The following FTCDNL1 variants were observed in gnomAD, a reference collection of about 807,000 sequenced individuals.
FTCDNL1 encodes formiminotransferase cyclodeaminase N-terminal like, also known as formiminotransferase N-terminal subdomain-containing protein.
FTCDNL1 carries 11 observed loss-of-function variants against 5.9 expected under a neutral mutation model. The ratio of observed to expected loss-of-function variants is 1.87; its 90% confidence interval spans 1.18 to 3.10. FTCDNL1 has a LOEUF of 3.10. Among genes scored for constraint, FTCDNL1 ranks in the 30% most tolerant of loss-of-function variants. The probability of loss-of-function intolerance (pLI) is 0.00; values close to 1 mark genes in which losing one functional copy is unlikely to be tolerated. For synonymous variants in FTCDNL1, 58 were observed against 24.8 expected (o/e 2.34, Z -3.99); for missense variants, 115 against 65.5 (o/e 1.76, Z -2.61).
the FTCDNL1 span, among the ~76,000 whole-genome samples, chr2:199,740,705 T>C: frequency 2.0e-5 from 3 of 152,174 alleles, no homozygotes; most frequent in Non-Finnish European, 4.4e-5. Flanking sequence ...TTGAATCTCC[T>C]GTAGCCTCTT....
the FTCDNL1 span, among the ~76,000 whole-genome samples, chr2:199,734,322 G>A: frequency 1.3e-5 from 2 of 152,174 alleles, no homozygotes; most frequent in African/African-American, 4.8e-5. Flanking sequence ...GTGATTCTTA[G>A]AAGCAAATTT....
chr2:199,803,104 G>A (rs1300644452), intron 3 of FTCDNL1, among the ~76,000 whole-genome samples: 1 of 149,678 alleles, frequency 6.7e-6, no homozygotes, highest in South Asian at 2.2e-4. Context: ...TGAGGTGCAA[G>A]GATTATCTGA....
the FTCDNL1 span, among the ~76,000 whole-genome samples, chr2:199,745,011 C>T: frequency 7.7e-4 from 118 of 152,316 alleles, 2 homozygotes; most frequent in South Asian, 0.023. Flanking sequence ...CATCCTGTGT[C>T]CACCGGGCAA....
the FTCDNL1 span, among the ~76,000 whole-genome samples, chr2:199,733,759 A>G: frequency 3.3e-5 from 5 of 152,358 alleles, no homozygotes; most frequent in South Asian, 1.0e-3. Flanking sequence ...TATGTTACAC[A>G]TACATGACGA....
the FTCDNL1 span, among the ~76,000 whole-genome samples, chr2:199,699,413 C>T: frequency 6.6e-6 from 1 of 152,006 alleles, no homozygotes; most frequent in Admixed American, 6.6e-5. Flanking sequence ...GTGATTGCAC[C>T]ACTGCACTCC....
the FTCDNL1 span, among the ~76,000 whole-genome samples, chr2:199,707,872 T>G: frequency 6.6e-6 from 1 of 152,064 alleles, no homozygotes; most frequent in African/African-American, 2.4e-5. Context: ...GCTTTAAAAT[T>G]TTCTGTGTTT....
intron 2 of FTCDNL1, among the ~76,000 whole-genome samples, chr2:199,847,045 C>A (rs1354825545): frequency 8.6e-5 from 13 of 151,984 alleles, no homozygotes; most frequent in Admixed American, 8.5e-4. Flanking sequence ...TTAGAACAGC[C>A]CTACACTATT....
At chr2:199,826,390 A>G (rs987233023) in intron 3 of FTCDNL1, among the ~76,000 whole-genome samples, 3 of 150,044 alleles carry the variant, frequency 2.0e-5, no homozygotes, top group African/African-American at 7.4e-5. Context: ...TTTACTTTAC[A>G]TTTCTGAGTC....
Position 199,765,556 on chromosome 2 carries a change from A to ATATATATTTT in FTCDNL1, c.212-4722_212-4721insAAAATATATA. Among the ~76,000 whole-genome samples the ATATATATTTT allele has an allele frequency of 4.9e-3, 208 of 42,516 alleles. 4 individuals carry two copies. The highest frequency in any genetic ancestry group is 9.8e-3 in the Admixed American group (23 of 2,340). The allele number at this position is 42,516 out of a possible 152,430, so 27.9% of individuals were successfully genotyped here. ...ATTATATATATATATATATATATAT[A>ATATATATTTT]TTTTTTTTTTTTTTTTTGGAGATGG... On this transcript the variant is annotated intron_variant, in intron 3 of 3. Transcript: ENST00000416668.
chr2:199,847,851 C>A (rs2076771514), intron 2 of FTCDNL1, among the ~76,000 whole-genome samples: 1 of 152,162 alleles, frequency 6.6e-6, no homozygotes, highest in East Asian at 1.9e-4. Context: ...CAGCTGCATA[C>A]CAACTCCAAA....
At chr2:199,666,443 C>G in the FTCDNL1 span, among the ~76,000 whole-genome samples, 1 of 152,168 alleles carries the variant, frequency 6.6e-6, no homozygotes, top group Admixed American at 6.5e-5. Flanking sequence ...GCCCATGTTA[C>G]GCATACATGT....
intron 3 of FTCDNL1, among the ~76,000 whole-genome samples, chr2:199,767,247 G>A (rs149578734): frequency 0.011 from 1,674 of 152,238 alleles, 32 homozygotes; most frequent in African/African-American, 0.037. Context: ...TTGTGAGTGA[G>A]CTTATCAGTT....
the FTCDNL1 span, among the ~76,000 whole-genome samples, chr2:199,702,443 C>G: frequency 5.6e-3 from 851 of 152,282 alleles, 7 homozygotes; most frequent in African/African-American, 0.018. Flanking sequence ...CAACTTTATT[C>G]CAAACCAGCG....
the FTCDNL1 span, among the ~76,000 whole-genome samples, chr2:199,681,343 C>T: frequency 6.6e-6 from 1 of 152,154 alleles, no homozygotes; most frequent in Non-Finnish European, 1.5e-5. Flanking sequence ...GTAATCCCAG[C>T]TACTCGGGAG....
At chr2:199,667,502 A>AAAG in the FTCDNL1 span, among the ~76,000 whole-genome samples, 1 of 151,978 alleles carries the variant, frequency 6.6e-6, no homozygotes, top group Non-Finnish European at 1.5e-5. Context: ...CAAACAAAAA[A>AAAG]CAACAATACA....
chr2:199,725,673 G>C, the FTCDNL1 span, among the ~76,000 whole-genome samples: 2 of 152,170 alleles, frequency 1.3e-5, no homozygotes, highest in Non-Finnish European at 2.9e-5. Flanking sequence ...TGAAATTCTG[G>C]GTTGGAAATT....
Position 199,811,491 on chromosome 2 carries a change from T to A in FTCDNL1, c.*1214A>T, listed in dbSNP as rs903346729. The stretch of plus-strand genomic sequence containing the variant: ...TATAACACTGGGGGTTACATCAGCA[T>A]GACTATTCAAAATCCTTACCAGGCC... On this transcript the variant is annotated 3_prime_UTR_variant, in exon 5 of 5. Transcript: ENST00000420128. 1.3e-5 allele frequency among the ~76,000 whole-genome samples: 2 copies of A among 152,236 alleles called. No homozygotes were observed. Among genetic ancestry groups the A allele is most frequent in the Non-Finnish European group, 2.9e-5 (2 of 68,042 alleles).
At chr2:199,787,721 G>A (rs1559187052) in intron 3 of FTCDNL1, among the ~76,000 whole-genome samples, 1 of 151,828 alleles carries the variant, frequency 6.6e-6, no homozygotes, top group Non-Finnish European at 1.5e-5. Context: ...CATTATATGG[G>A]GGAAAAAAAT....
In FTCDNL1 at chr2:199,826,482, C is replaced by A. The variant is rs112476783; in HGVS notation, c.212-6725G>T. 6.5e-3 allele frequency among the ~76,000 whole-genome samples: 748 copies of A among 114,496 alleles called. 5 individuals carry two copies. The highest frequency in any genetic ancestry group is 0.025 in the African/African-American group (717 of 29,214). 75.1% of individuals were successfully genotyped at this position (114,496 alleles called of 152,430 possible). ...TCACCAATTCCTTATCTAGAAATTTCTCAGTCAAAAAAAAAAAAAAAAAAA... is the reference window on the plus strand; with the variant it reads ...TCACCAATTCCTTATCTAGAAATTTATCAGTCAAAAAAAAAAAAAAAAAAA... On this transcript the variant is annotated intron_variant, in intron 3 of 4. Transcript: ENST00000420128.
Sources: allele counts gnomAD v4.1 joint callset (sites outside exome capture counted in the v4.1 genomes callset), GRCh38; gene constraint gnomAD v4.1.1; transcripts MANE v1.5; gene names NCBI Gene and HGNC (gene_info 2026-07-23, HGNC 2026-07-21).